The following CD2AP variants were observed in gnomAD, a reference collection of about 807,000 sequenced individuals.
CD2AP encodes the protein CD2 associated protein, also known as CD2-associated protein.
CD2AP carries 46 observed loss-of-function variants against 85.1 expected under a neutral mutation model. The ratio of observed to expected loss-of-function variants is 0.54; its 90% confidence interval spans 0.43 to 0.69. The LOEUF is 0.69. Among genes scored for constraint, CD2AP ranks in the 30% least tolerant of loss-of-function variants. The pLI, the probability that CD2AP is intolerant of heterozygous loss-of-function variation, is 0.00. For missense variants in CD2AP, 769 were observed against 729.5 expected, an observed-to-expected ratio of 1.05 and a Z score of -0.62; for synonymous variants, 255 against 252.9, an observed-to-expected ratio of 1.01 and a Z score of -0.08.
intron 1 of CD2AP, among the ~76,000 whole-genome samples, chr6:47,480,637 ATGAGTTACTACT>A (rs1765418409): frequency 6.6e-6 from 1 of 152,232 alleles, no homozygotes; most frequent in Non-Finnish European, 1.5e-5. Context: ...GGAGGATTGA[ATGAGTTACTACT>A]TGTAAAGTGC....
intron 13 of CD2AP, among the ~76,000 whole-genome samples, chr6:47,603,304 A>C (rs1051025968): frequency 1.3e-5 from 2 of 152,100 alleles, no homozygotes; most frequent in Non-Finnish European, 2.9e-5. Context: ...AGTAATATTT[A>C]ACATATTTTT....
At chr6:47,503,933 T>G (rs1453703615) in intron 2 of CD2AP, among the ~76,000 whole-genome samples, 1 of 152,248 alleles carries the variant, frequency 6.6e-6, no homozygotes, top group Admixed American at 6.5e-5. Flanking sequence ...GCTGGTCTTC[T>G]CATTATATTT....
chr6:47,613,283 C>T (rs1184447885), intron 17 of CD2AP, among the ~76,000 whole-genome samples: 1 of 152,050 alleles, frequency 6.6e-6, no homozygotes, highest in Non-Finnish European at 1.5e-5. Context: ...GTTTATTTGC[C>T]TACATTTATC....
intron 2 of CD2AP, among the ~76,000 whole-genome samples, chr6:47,515,054 A>G (rs1173954076): frequency 6.6e-6 from 1 of 151,416 alleles, no homozygotes; most frequent in Admixed American, 6.6e-5. Flanking sequence ...TCCGTCTTAA[A>G]AAAAAAAAAA....
Position 47,590,353 on chromosome 6 carries a change from C to T in CD2AP, c.1109-5508C>T, listed in dbSNP as rs574689558. Among the ~76,000 whole-genome samples the T allele has an allele frequency of 5.4e-4, 82 of 151,882 alleles. 2 individuals carry two copies. The South Asian group carries it at 0.017, about 31-fold the overall frequency. ...ATATATAAGTATATATAAATATATACACACAAATGTTAATATATGTGTGTA... is the reference window on the plus strand; with the variant it reads ...ATATATAAGTATATATAAATATATATACACAAATGTTAATATATGTGTGTA... On this transcript the variant is annotated intron_variant, in intron 11 of 17. Coordinates refer to ENST00000359314, the MANE Select transcript of CD2AP (RefSeq NM_012120.3).
intron 2 of CD2AP, among the ~76,000 whole-genome samples, chr6:47,510,026 T>G (rs1165858561): frequency 6.6e-6 from 1 of 152,240 alleles, no homozygotes; most frequent in African/African-American, 2.4e-5. Context: ...CCTGTTTCAG[T>G]ATAACTAATA....
chr6:47,595,385 A>G (rs1170949381), intron 11 of CD2AP, among the ~76,000 whole-genome samples: 5 of 151,984 alleles, frequency 3.3e-5, no homozygotes, highest in Non-Finnish European at 7.4e-5. Context: ...GTTTCTCTTA[A>G]CATTTGATTT....
At position 47,580,897 on chromosome 6, in the gene CD2AP, C is replaced by T; in HGVS notation, c.1042C>T (p.Pro348Ser). ...GAAACCACCACCTCCTGCTAAGGCT[C>T]CAGGTATGTAAGAAGCATATTATTC... Reference protein sequence around the residue: ...PKKPPPPAKAPAPKPELIAAE... With the variant: ...PKKPPPPAKASAPKPELIAAE... The change falls in exon 10 of 18, where the codon CCA becomes TCA. Residue 348 changes from proline to serine, a missense_variant. Coordinates refer to ENST00000359314, the MANE Select transcript of CD2AP (RefSeq NM_012120.3). The T allele has an allele frequency of 6.2e-7, 1 of 1,603,558 alleles. No individual in the cohort carries two copies. The highest frequency in any genetic ancestry group is 8.5e-7 in the Non-Finnish European group (1 of 1,170,766).
At chr6:47,500,984 T>C (rs1765983565) in intron 1 of CD2AP, among the ~76,000 whole-genome samples, 1 of 152,132 alleles carries the variant, frequency 6.6e-6, no homozygotes, top group African/African-American at 2.4e-5. Context: ...CCTGACCTTG[T>C]GATCCGCCTG....
At chr6:47,485,000 C>T (rs748720974) in intron 1 of CD2AP, among the ~76,000 whole-genome samples, 2 of 152,140 alleles carry the variant, frequency 1.3e-5, no homozygotes, top group African/African-American at 2.4e-5. Context: ...TAGTGCAACG[C>T]GTTACTCACT....
At chr6:47,578,761 A>G (rs954597996) in intron 8 of CD2AP, among the ~76,000 whole-genome samples, 2 of 151,386 alleles carry the variant, frequency 1.3e-5, no homozygotes, top group Non-Finnish European at 2.9e-5. Context: ...AGTTCAAGCA[A>G]TTCTCCTGTC....
Position 47,524,755 on chromosome 6 carries a change from A to G in CD2AP, c.166-8847A>G, listed in dbSNP as rs918549691. On this transcript the variant is annotated intron_variant, in intron 2 of 17. Coordinates refer to ENST00000359314, the MANE Select transcript of CD2AP (RefSeq NM_012120.3). ...TGCCTTCTCTGAATACAGGAGGAAT[A>G]GTTTAAATAGGAAGTTCCTTTGTCC... Among the ~76,000 whole-genome samples the G allele has an allele frequency of 2.6e-5, 4 of 152,188 alleles. No homozygotes were observed. The South Asian group carries it at 6.2e-4, about 24-fold the overall frequency.
chr6:47,554,461 A>G (rs1369420523), intron 4 of CD2AP, among the ~76,000 whole-genome samples, 185 bp from the exon 5 acceptor site: 1 of 152,234 alleles, frequency 6.6e-6, no homozygotes, highest in East Asian at 1.9e-4. Context: ...AATCCCATAT[A>G]TGAGTAATAC....
At chr6:47,495,520 T>C (rs950712720) in intron 1 of CD2AP, among the ~76,000 whole-genome samples, 1 of 152,218 alleles carries the variant, frequency 6.6e-6, no homozygotes, top group Non-Finnish European at 1.5e-5. Context: ...TTGTTACAAC[T>C]GCTGTAGGAG....
chr6:47,585,085 A>G (rs1461339877), intron 11 of CD2AP, among the ~76,000 whole-genome samples: 1 of 151,746 alleles, frequency 6.6e-6, no homozygotes. Context: ...TGAGGTCAGG[A>G]CATTGAGACC....
intron 13 of CD2AP, among the ~76,000 whole-genome samples, chr6:47,604,452 C>T (rs1769217573): frequency 6.6e-6 from 1 of 151,946 alleles, no homozygotes; most frequent in East Asian, 1.9e-4. Context: ...TTTACCCTTT[C>T]AGTTTCATTT....
At chr6:47,535,463 G>C (rs1767013505) in intron 3 of CD2AP, among the ~76,000 whole-genome samples, 2 of 152,074 alleles carry the variant, frequency 1.3e-5, no homozygotes, top group South Asian at 4.2e-4. Context: ...GCTGTTGTCT[G>C]TCAAGTTTGG....
intron 5 of CD2AP, among the ~76,000 whole-genome samples, chr6:47,556,497 G>C (rs1329485557): frequency 6.6e-6 from 1 of 151,886 alleles, no homozygotes; most frequent in Non-Finnish European, 1.5e-5. Context: ...ACAGGCATGT[G>C]CCACCACGCC....
intron 5 of CD2AP, among the ~76,000 whole-genome samples, chr6:47,558,849 C>T (rs1018212571): frequency 1.1e-4 from 16 of 152,034 alleles, no homozygotes; most frequent in African/African-American, 2.7e-4. Flanking sequence ...AAATGAGTTA[C>T]GGAGGAGTCC....
Sources: gnomAD v4.1 joint callset for allele counts (sites outside exome capture counted in the v4.1 genomes callset) on GRCh38, gnomAD v4.1.1 for gene constraint, MANE v1.5 for transcripts, NCBI Gene and HGNC (gene_info 2026-07-23, HGNC 2026-07-21) for gene names.